Variants in DDHD2 observed in about 807,000 individuals in gnomAD.
DDHD2 encodes DDHD domain containing 2.
DDHD2 carries 62 observed loss-of-function variants against 91.2 expected under a neutral mutation model. The ratio of observed to expected loss-of-function variants is 0.68; its 90% confidence interval spans 0.55 to 0.84. DDHD2 has a LOEUF of 0.84. Among genes scored for constraint, DDHD2 ranks in the 40% least tolerant of loss-of-function variants. The pLI, the probability that DDHD2 is intolerant of heterozygous loss-of-function variation, is 0.00. For synonymous variants in DDHD2, 271 were observed against 293.9 expected (o/e 0.92, Z 0.80); for missense variants, 740 against 846.9 (o/e 0.87, Z 1.57).
At chr8:38,243,311 C>T (rs778797077) in intron 7 of DDHD2, among the ~76,000 whole-genome samples, 1 of 152,176 alleles carries the variant, frequency 6.6e-6, no homozygotes, top group Non-Finnish European at 1.5e-5. Context: ...TGGCACCTGG[C>T]ACTCACACCT....
chr8:38,245,792 C>T lies in DDHD2; in HGVS notation c.899C>T (p.Thr300Ile), dbSNP rs200249745. The T allele has an allele frequency of 1.2e-4, 187 of 1,614,214 alleles. No individual in the cohort carries two copies. The highest frequency in any genetic ancestry group is 2.0e-4 in the Admixed American group (12 of 60,016). The part of the protein sequence containing the change: ...LPSINRLRHF[T>I]NDTILDVFFY... ...AGCATTAACCGCCTCAGGCACTTCA[C>T]CAATGACACAATTCTGGATGTCTTC... The change falls in exon 8 of 18, where the codon ACC becomes ATC. Residue 300 changes from threonine (T) to isoleucine (I), a missense_variant. Thr to Ile is a moderately conservative substitution (Grantham distance 89, BLOSUM62 -1). This residue lies in a region of DDHD2 where 693 missense variants were observed against 764.2 expected (regional missense o/e 0.91). Coordinates refer to ENST00000397166, the MANE Select transcript of DDHD2 (RefSeq NM_015214.3).
intron 16 of DDHD2, among the ~76,000 whole-genome samples, chr8:38,254,913 A>G (rs1313308294): frequency 1.3e-5 from 2 of 152,094 alleles, no homozygotes; most frequent in Admixed American, 6.5e-5. Flanking sequence ...AAATAATACT[A>G]ATTAATCCCT....
chr8:38,238,035 T>G (rs1804941463), intron 4 of DDHD2, 54 bp from the exon 5 acceptor site: 3 of 1,516,186 alleles, frequency 2.0e-6, no homozygotes, highest in Non-Finnish European at 2.7e-6. Context: ...CTGCATTGTA[T>G]AGAGATGATT....
At chr8:38,239,791 C>T (rs1805102453) in intron 5 of DDHD2, among the ~76,000 whole-genome samples, 1 of 144,484 alleles carries the variant, frequency 6.9e-6, no homozygotes, top group Non-Finnish European at 1.5e-5. Flanking sequence ...GGTGTGATCT[C>T]GGCTCACTGC....
At chr8:38,245,141 T>C (rs1805526194) in intron 7 of DDHD2, among the ~76,000 whole-genome samples, 1 of 151,864 alleles carries the variant, frequency 6.6e-6, no homozygotes. Context: ...TTATTATAAG[T>C]CTCTCTTGGG....
downstream of DDHD2, chr8:38,267,020 G>C: frequency 7.2e-7 from 1 of 1,386,982 alleles, no homozygotes. Flanking sequence ...CAAGATTGCA[G>C]GATCTAGGCA....
chr8:38,240,045 G>C (rs1322802643), intron 5 of DDHD2, among the ~76,000 whole-genome samples: 1 of 149,438 alleles, frequency 6.7e-6, no homozygotes, highest in African/African-American at 2.5e-5. Context: ...TCAGAGATCA[G>C]AAAAAAAAGA....
In DDHD2 at chr8:38,259,673, C is replaced by T. The variant is rs189992737; in HGVS notation, c.2055-367C>T. ...TGCTGGGACTACAGGCGTGAGCCAC[C>T]GTGCCCAGCCCTAGTTTTTGTATTT... On this transcript the variant is annotated intron_variant, in intron 16 of 17. Transcript: ENST00000397166. Among the ~76,000 whole-genome samples the T allele has an allele frequency of 1.3e-3, 191 of 152,176 alleles. 1 individual carries two copies. The highest frequency in any genetic ancestry group is 4.2e-3 in the African/African-American group (176 of 41,524).
At chr8:38,237,511 C>T in intron 3 of DDHD2, 27 bp from the exon 4 acceptor site, 1 of 1,226,696 alleles carries the variant, frequency 8.2e-7, no homozygotes, top group Non-Finnish European at 1.2e-6. Flanking sequence ...TACTAGAGAA[C>T]TCTAATGAAA....
intron 9 of DDHD2, 75 bp from the exon 10 acceptor site, chr8:38,247,638 T>C (rs1248299348): frequency 2.1e-5 from 20 of 957,422 alleles, no homozygotes; most frequent in Admixed American, 1.2e-4. Context: ...AATCTATGTA[T>C]TTCTTTACTG....
At chr8:38,256,295 G>C (rs1473940128) in intron 16 of DDHD2, among the ~76,000 whole-genome samples, 1 of 152,012 alleles carries the variant, frequency 6.6e-6, no homozygotes, top group Non-Finnish European at 1.5e-5. Flanking sequence ...TTGGCGTTTA[G>C]CTTATTTATT....
At chr8:38,268,586 A>G in intron 1 of DDHD2, 1 of 1,456,500 alleles carries the variant, frequency 6.9e-7, no homozygotes, top group Non-Finnish European at 9.0e-7. Flanking sequence ...AGTGCGCGTA[A>G]CCGGGCGCCA....
intron 6 of DDHD2, 166 bp from the exon 7 acceptor site, chr8:38,242,084 T>C (rs1805308940): frequency 1.7e-5 from 10 of 577,718 alleles, no homozygotes; most frequent in Non-Finnish European, 2.9e-5. Flanking sequence ...GAAACATCTT[T>C]TCCTATATGC....
chr8:38,268,318 G>T, intron 1 of DDHD2: 2 of 1,469,744 alleles, frequency 1.4e-6, no homozygotes, highest in South Asian at 2.4e-5. Flanking sequence ...ATCCCACAAC[G>T]ACCTCCTAGG....
intron 1 of DDHD2, chr8:38,267,849 G>T (rs1368058104): frequency 6.4e-7 from 1 of 1,566,700 alleles, no homozygotes; most frequent in Admixed American, 1.7e-5. Flanking sequence ...CTGTTCTGGT[G>T]GGTAAGGGCT....
At chr8:38,263,866 CTG>C (rs1439408130), downstream of DDHD2, 2 of 985,156 alleles carry the variant, frequency 2.0e-6, no homozygotes, top group African/African-American at 1.7e-5. Context: ...TGTAAAAACA[CTG>C]TAGATCTTCA....
chr8:38,255,034 C>T (rs532885820), intron 16 of DDHD2, among the ~76,000 whole-genome samples: 1 of 152,048 alleles, frequency 6.6e-6, no homozygotes, highest in Non-Finnish European at 1.5e-5. Context: ...CCTGTCTCTA[C>T]CAAAAATACA....
intron 16 of DDHD2, among the ~76,000 whole-genome samples, chr8:38,259,219 C>CT (rs34652032): frequency 0.22 from 31,486 of 142,626 alleles, 3,536 homozygotes; most frequent in East Asian, 0.31. Flanking sequence ...TTCTTACTGG[C>CT]TTTTTTTTTT....
At chr8:38,266,229 A>G (rs572190330), downstream of DDHD2, 2 of 1,613,926 alleles carry the variant, frequency 1.2e-6, no homozygotes. Context: ...AGAACCTCCA[A>G]GATTTCCCAC....
Sources: gnomAD v4.1 joint callset for allele counts (sites outside exome capture counted in the v4.1 genomes callset) on GRCh38, gnomAD v4.1.1 for gene constraint, gnomAD v4.1.1 regional missense constraint, MANE v1.5 for transcripts, NCBI Gene and HGNC (gene_info 2026-07-23, HGNC 2026-07-21) for gene names.